The following TAOK3 variants were observed in gnomAD, a reference collection of about 807,000 sequenced individuals.
TAOK3 encodes serine/threonine-protein kinase TAO3.
TAOK3 carries 40 observed loss-of-function variants against 120.4 expected under a neutral mutation model. The observed-to-expected ratio is 0.33, with a 90% CI of 0.26 to 0.43. The LOEUF is 0.43. Among genes scored for constraint, TAOK3 ranks in the 20% least tolerant of loss-of-function variants. The pLI, the probability that TAOK3 is intolerant of heterozygous loss-of-function variation, is 1.00. For synonymous variants in TAOK3, 355 were observed against 387.5 expected (o/e 0.92, Z 0.99); for missense variants, 821 against 1,112.1 (o/e 0.74, Z 3.72).
chr12:118,171,352 TTTTG>T (rs555773415), intron 17 of TAOK3, among the ~76,000 whole-genome samples: 8 of 152,234 alleles, frequency 5.3e-5, no homozygotes, highest in East Asian at 1.9e-4. Flanking sequence ...GCACTAATTC[TTTTG>T]TTTGTTTGTT....
intron 1 of TAOK3, among the ~76,000 whole-genome samples, chr12:118,345,349 T>A (rs1313535421): frequency 6.6e-6 from 1 of 152,206 alleles, no homozygotes; most frequent in Non-Finnish European, 1.5e-5. Context: ...TCAACATTTC[T>A]CCTTTCTTAA....
At chr12:118,365,458 A>G (rs2045717913) in intron 1 of TAOK3, among the ~76,000 whole-genome samples, 1 of 152,080 alleles carries the variant, frequency 6.6e-6, no homozygotes, top group Non-Finnish European at 1.5e-5. Context: ...TGTGTTGCCC[A>G]GCCTGGTCTT....
At chr12:118,274,738 CG>C (rs1203357158) in intron 1 of TAOK3, among the ~76,000 whole-genome samples, 1 of 152,092 alleles carries the variant, frequency 6.6e-6, no homozygotes. Context: ...CAGAGATTCT[CG>C]TGCCTCAATG....
At position 118,156,252 on chromosome 12, in the gene TAOK3, T is replaced by C. The variant is rs1319525265; in HGVS notation, c.2353-3843A>G. 3.9e-5 allele frequency among the ~76,000 whole-genome samples: 6 copies of C among 152,184 alleles called. No individual in the cohort carries two copies. In the South Asian group the frequency reaches 8.3e-4, roughly 21 times the overall value. On this transcript the variant is annotated intron_variant, in intron 19 of 20. Coordinates refer to ENST00000392533, the MANE Select transcript of TAOK3 (RefSeq NM_016281.4). The stretch of plus-strand genomic sequence containing the variant: ...CCGCTCACATTAAGGTGACCCATGA[T>C]AGCCTGGAAGTGGCCTGTTACCTGA...
chr12:118,357,659 A>G (rs557463523), intron 1 of TAOK3, among the ~76,000 whole-genome samples: 1 of 152,326 alleles, frequency 6.6e-6, no homozygotes, highest in Non-Finnish European at 1.5e-5. Flanking sequence ...ATAATCTGCA[A>G]TAATCTGTCA....
rs541245222 is a variant in TAOK3 at position 118,351,441 on chromosome 12, CAA to C, written c.-194+21205_-194+21206del. Among the ~76,000 whole-genome samples, 128 of 152,226 alleles carry C rather than the reference CAA, an allele frequency of 8.4e-4. 1 individual carries two copies. Among genetic ancestry groups the C allele is most frequent in the Non-Finnish European group, 1.0e-4 (7 of 68,014 alleles). On this transcript the variant is annotated intron_variant, in intron 1 of 20. Transcript: ENST00000392533. ...AATGTTTACTGAGTACATAAATGGACAAAGAGTATGGTGTTACTGGCTGCATC... is the reference window on the plus strand; with the variant it reads ...AATGTTTACTGAGTACATAAATGGACAGAGTATGGTGTTACTGGCTGCATC...
At position 118,214,076 on chromosome 12, in the gene TAOK3, T is replaced by A; in HGVS notation, c.678A>T (p.Ala226=). The part of the protein sequence containing the change: ...ERKPPLFNMN[A]MSALYHIAQN... ...GGGCAATGTGATATAAGGCACTCAT[T>A]GCATTCATGTTGAAAAGGGGCGGCT... The change falls in exon 10 of 21, where the codon GCA becomes GCT. Residue 226 remains alanine (A), a synonymous_variant. Coordinates refer to ENST00000392533, the MANE Select transcript of TAOK3 (RefSeq NM_016281.4). The A allele has an allele frequency of 6.2e-7, 1 of 1,609,892 alleles. No homozygotes were observed.
Position 118,220,370 on chromosome 12 carries a change from A to G in TAOK3, c.644-6260T>C, listed in dbSNP as rs144517982. 4.1e-3 allele frequency among the ~76,000 whole-genome samples: 626 copies of G among 152,300 alleles called. 1 individual carries two copies. Among genetic ancestry groups the G allele is most frequent in the African/African-American group, 0.015 (605 of 41,570 alleles). On this transcript the variant is annotated intron_variant, in intron 9 of 20. Coordinates refer to ENST00000392533, the MANE Select transcript of TAOK3 (RefSeq NM_016281.4). ...AATAAATGAAGGTGAGGGAAATTAA[A>G]GCACAGAATAAACTCTGTCAACAAA...
At chr12:118,181,902 A>G (rs888051996) in intron 14 of TAOK3, among the ~76,000 whole-genome samples, 1 of 152,208 alleles carries the variant, frequency 6.6e-6, no homozygotes, top group East Asian at 1.9e-4. Context: ...CTCTTTATTC[A>G]GGCCGGGCAC....
At chr12:118,308,260 G>A (rs1246962688) in intron 1 of TAOK3, among the ~76,000 whole-genome samples, 1 of 152,082 alleles carries the variant, frequency 6.6e-6, no homozygotes, top group African/African-American at 2.4e-5. Flanking sequence ...GGTCTAAAAA[G>A]GGGAAGCATG....
intron 1 of TAOK3, among the ~76,000 whole-genome samples, chr12:118,367,056 G>A (rs1030439339): frequency 1.5e-4 from 23 of 152,170 alleles, no homozygotes; most frequent in South Asian, 8.3e-4. Flanking sequence ...AGGCTGTCTC[G>A]AAAACAACAA....
intron 1 of TAOK3, among the ~76,000 whole-genome samples, chr12:118,316,088 A>C (rs1392735668): frequency 2.0e-5 from 3 of 152,190 alleles, no homozygotes; most frequent in East Asian, 3.8e-4. Flanking sequence ...GACTGCCTCT[A>C]ATTATTTGAT....
chr12:118,305,647 G>A (rs2043023623), intron 1 of TAOK3, among the ~76,000 whole-genome samples: 1 of 152,150 alleles, frequency 6.6e-6, no homozygotes, highest in African/African-American at 2.4e-5. Context: ...GCTCACGCCT[G>A]TAATCTCAGC....
Position 118,346,785 on chromosome 12 carries a change from C to T in TAOK3, c.-194+25863G>A, listed in dbSNP as rs193166716. Among the ~76,000 whole-genome samples the T allele has an allele frequency of 7.9e-5, 12 of 152,314 alleles. 1 individual carries two copies. In the East Asian group the frequency reaches 1.7e-3, roughly 22 times the overall value. ...CAGAATGGAAAGTTTAATCTTTCTA[C>T]ATGTGCCTGAGATAATGCAAGGTAT... On this transcript the variant is annotated intron_variant, in intron 1 of 20. Coordinates refer to ENST00000392533, the MANE Select transcript of TAOK3 (RefSeq NM_016281.4).
intron 11 of TAOK3, among the ~76,000 whole-genome samples, chr12:118,207,696 A>G (rs924834428): frequency 2.6e-5 from 4 of 152,146 alleles, no homozygotes; most frequent in African/African-American, 9.7e-5. Flanking sequence ...GTCCACTAAA[A>G]ATAGAAAAAC....
intron 13 of TAOK3, among the ~76,000 whole-genome samples, chr12:118,192,453 T>C (rs1313248047): frequency 6.6e-6 from 1 of 152,176 alleles, no homozygotes; most frequent in Non-Finnish European, 1.5e-5. Context: ...ATAACAGAGA[T>C]CACTATCACT....
intron 1 of TAOK3, among the ~76,000 whole-genome samples, chr12:118,325,344 T>G (rs116350235): frequency 6.6e-6 from 1 of 152,222 alleles, no homozygotes; most frequent in Non-Finnish European, 1.5e-5. Context: ...CCATCAACAG[T>G]GTACGAGGGT....
At chr12:118,238,012 A>C in intron 7 of TAOK3, 61 bp downstream of exon 7, 1 of 1,145,780 alleles carries the variant, frequency 8.7e-7, no homozygotes, top group Admixed American at 2.2e-5. Context: ...ACTAATTTTC[A>C]AGGTTCCTGG....
At chr12:118,218,457 C>A (rs1470154192) in intron 9 of TAOK3, among the ~76,000 whole-genome samples, 1 of 152,070 alleles carries the variant, frequency 6.6e-6, no homozygotes, top group African/African-American at 2.4e-5. Flanking sequence ...TTGCATGTAA[C>A]CTGCACACAT....
Sources: gnomAD v4.1 joint callset for allele counts (sites outside exome capture counted in the v4.1 genomes callset) on GRCh38, gnomAD v4.1.1 for gene constraint, MANE v1.5 for transcripts, NCBI Gene and HGNC (gene_info 2026-07-23, HGNC 2026-07-21) for gene names.